The following EGFL6 variants were observed in gnomAD, a reference collection of about 807,000 sequenced individuals.
EGFL6 encodes the protein EGF like domain multiple 6.
Under a neutral mutation model 43.1 loss-of-function variants are expected in EGFL6, and 42 were observed. The observed-to-expected ratio is 0.98, with a 90% CI of 0.76 to 1.26. The LOEUF is 1.26. Among genes scored for constraint, EGFL6 ranks in the 50% most tolerant of loss-of-function variants. EGFL6 has a pLI of 0.00. For synonymous variants in EGFL6, 164 were observed against 163.2 expected, an observed-to-expected ratio of 1.01 and a Z score of -0.04; for missense variants, 429 against 427.8, an observed-to-expected ratio of 1.00 and a Z score of -0.02.
intron 5 of EGFL6, among the ~76,000 whole-genome samples, chrX:13,605,124 A>C (rs1386136231): frequency 8.9e-6 from 1 of 111,755 alleles, no homozygotes; most frequent in Non-Finnish European, 1.9e-5. Context: ...CAACTCTTTG[A>C]GTTGTTGGGT....
intron 7 of EGFL6, among the ~76,000 whole-genome samples, 163 bp downstream of exon 7, chrX:13,608,609 C>A (rs760751484): frequency 3.6e-5 from 4 of 111,777 alleles, no homozygotes; most frequent in African/African-American, 1.3e-4. Context: ...TCTGCCTCAG[C>A]CTTCTCTTCT....
chrX:13,613,243 C>T (rs2045702404), intron 7 of EGFL6, among the ~76,000 whole-genome samples: 2 of 106,893 alleles, frequency 1.9e-5, no homozygotes, highest in South Asian at 8.2e-4. Context: ...ATTTCAGACT[C>T]TACATTGCAA....
chrX:13,622,299 C>G (rs374794625), intron 9 of EGFL6, among the ~76,000 whole-genome samples: 105 of 112,317 alleles, frequency 9.3e-4, no homozygotes, highest in African/African-American at 3.2e-3. Flanking sequence ...ATTTGGGATT[C>G]AGGTCCAACT....
intron 1 of EGFL6, among the ~76,000 whole-genome samples, chrX:13,574,397 TGACAAATTTCAG>T (rs892601570): frequency 5.2e-4 from 58 of 111,732 alleles, no homozygotes; most frequent in African/African-American, 1.8e-3. Context: ...GTGCTCCTGG[TGACAAATTTCAG>T]GACAAAAACT....
chrX:13,627,392 T>C, intron 11 of EGFL6, 116 bp downstream of exon 11: 1 of 952,436 alleles, frequency 1.0e-6, no homozygotes, highest in Non-Finnish European at 1.4e-6. Context: ...GATAAGACTT[T>C]TTCCCTACAC....
chrX:13,582,352 C>T (rs1034394651), intron 1 of EGFL6, among the ~76,000 whole-genome samples: 3 of 111,106 alleles, frequency 2.7e-5, no homozygotes, highest in Non-Finnish European at 5.7e-5. Context: ...TGGCCCACTG[C>T]GCCCGGCCGA....
chrX:13,619,898 G>T (rs1455981441), intron 9 of EGFL6, among the ~76,000 whole-genome samples: 1 of 111,413 alleles, frequency 9.0e-6, no homozygotes, highest in Non-Finnish European at 1.9e-5. Context: ...TCCTCCAGCA[G>T]GCTAGTCCAA....
intron 4 of EGFL6, among the ~76,000 whole-genome samples, chrX:13,602,063 T>C (rs755058227): frequency 8.9e-6 from 1 of 111,783 alleles, no homozygotes; most frequent in African/African-American, 3.3e-5. Flanking sequence ...TAATCATAGG[T>C]AGATGTTTGT....
intron 9 of EGFL6, among the ~76,000 whole-genome samples, chrX:13,619,639 G>A (rs905322429): frequency 8.9e-6 from 1 of 112,054 alleles, no homozygotes; most frequent in African/African-American, 3.2e-5. Context: ...TAATAATGCT[G>A]TGTAACAAAC....
chrX:13,593,700 C>T (rs766560555), intron 2 of EGFL6, among the ~76,000 whole-genome samples: 1 of 111,761 alleles, frequency 8.9e-6, no homozygotes, highest in South Asian at 3.8e-4. Context: ...GATAGTTGTT[C>T]AATGAATGAG....
At chrX:13,617,387 T>C (rs765680575) in intron 7 of EGFL6, among the ~76,000 whole-genome samples, 2 of 112,166 alleles carry the variant, frequency 1.8e-5, no homozygotes, top group African/African-American at 6.5e-5. Context: ...CAATACCAGT[T>C]TTTGAAGAAT....
chrX:13,585,009 C>T (rs1000351034), intron 1 of EGFL6, among the ~76,000 whole-genome samples: 2 of 112,061 alleles, frequency 1.8e-5, no homozygotes, highest in African/African-American at 3.2e-5. Flanking sequence ...AGACTGCTTT[C>T]GTGGTACTGT....
At chrX:13,627,486 G>A (rs1487930892) in intron 11 of EGFL6, among the ~76,000 whole-genome samples, 2 of 111,866 alleles carry the variant, frequency 1.8e-5, no homozygotes, top group African/African-American at 3.3e-5. Flanking sequence ...TGCATATCAC[G>A]TTCTATGGAA....
intron 11 of EGFL6, among the ~76,000 whole-genome samples, chrX:13,631,834 A>G (rs1325950188): frequency 8.9e-6 from 1 of 111,746 alleles, no homozygotes; most frequent in Non-Finnish European, 1.9e-5. Context: ...ATCTTCATTC[A>G]GCAAATATTG....
intron 3 of EGFL6, chrX:13,596,438 G>A (rs746930102): frequency 8.9e-6 from 1 of 112,162 alleles, no homozygotes; most frequent in African/African-American, 3.2e-5. Flanking sequence ...TATTAGCTGT[G>A]CTCCCCTGCT....
intron 1 of EGFL6, 55 bp downstream of exon 1, chrX:13,569,990 T>C: frequency 8.8e-7 from 1 of 1,135,681 alleles, no homozygotes; most frequent in Non-Finnish European, 1.2e-6. Context: ...AGGTCCCGCT[T>C]TGGGGCCCCA....
chrX:13,627,284 G>T lies in EGFL6; in HGVS notation c.1551+8G>T, dbSNP rs2045786793. 1.7e-6 allele frequency: 2 copies of T among 1,192,953 alleles called. No homozygotes were observed. The highest frequency in any genetic ancestry group is 2.3e-6 in the Non-Finnish European group (2 of 885,168). On this transcript the variant is annotated splice_region_variant and intron_variant, in intron 11 of 11. Transcript: ENST00000361306. ...ACTGATGCTACCAAAAGCGTAAGTG[G>T]GAAAAAAATGATTAAACTCAATATT...
intron 1 of EGFL6, among the ~76,000 whole-genome samples, chrX:13,581,620 C>A (rs747504583): frequency 1.3e-4 from 15 of 112,291 alleles, no homozygotes; most frequent in Non-Finnish European, 2.6e-4. Context: ...TTTCTGGAAT[C>A]TGACCATAAA....
chrX:13,620,038 A>C (rs949632668), intron 9 of EGFL6, among the ~76,000 whole-genome samples: 1 of 112,241 alleles, frequency 8.9e-6, no homozygotes, highest in African/African-American at 3.2e-5. Flanking sequence ...CCAAGTCACA[A>C]GGCCAGCGTA....
Sources: gnomAD v4.1 joint callset for allele counts (sites outside exome capture counted in the v4.1 genomes callset) on GRCh38, gnomAD v4.1.1 for gene constraint, MANE v1.5 for transcripts, NCBI Gene and HGNC (gene_info 2026-07-23, HGNC 2026-07-21) for gene names.